OPCML: variants seen among roughly 807,000 people sequenced by gnomAD.
OPCML encodes the protein opioid-binding protein/cell adhesion molecule.
OPCML carries 13 observed loss-of-function variants against 37.8 expected under a neutral mutation model. The observed-to-expected ratio is 0.34, with a 90% CI of 0.22 to 0.55. The LOEUF (loss-of-function observed/expected upper bound fraction) is 0.55, where lower values mean the gene tolerates loss of function less well. OPCML is among the 20% of genes least tolerant of loss of function. The pLI is 0.91. For missense variants in OPCML, 341 were observed against 435.6 expected, an observed-to-expected ratio of 0.78 and a Z score of 1.93; for synonymous variants, 176 against 168.8, an observed-to-expected ratio of 1.04 and a Z score of -0.33.
rs533357029 is a variant in OPCML, at chr11:132,940,945, G to A, written c.146+1981C>T. On this transcript the variant is annotated intron_variant, in intron 2 of 7. Coordinates refer to ENST00000524381, the MANE Select transcript of OPCML (RefSeq NM_001012393.5). ...TTAAAGAGATTAAAATGTAGATAAC[G>A]TGCTGAATTTCCCTATTCTGGGGTA... Among the ~76,000 whole-genome samples, 7 of 152,046 alleles carry A rather than the reference G, an allele frequency of 4.6e-5. No homozygotes were observed. In the South Asian group the frequency reaches 6.2e-4, roughly 14 times the overall value.
intron 1 of OPCML, among the ~76,000 whole-genome samples, chr11:133,493,707 G>A (rs997217094): frequency 1.3e-5 from 2 of 152,028 alleles, no homozygotes; most frequent in African/African-American, 4.8e-5. Flanking sequence ...TAAAATTGTT[G>A]TGTCAAAGAG....
In OPCML at chr11:133,140,812, G is replaced by A. The variant is rs1377768587; in HGVS notation, c.62-197802C>T. Among the ~76,000 whole-genome samples the A allele has an allele frequency of 9.4e-4, 85 of 90,326 alleles. 9 individuals carry two copies. The highest frequency in any genetic ancestry group is 2.9e-3 in the African/African-American group (83 of 28,758). 59.3% of individuals were successfully genotyped at this position (90,326 alleles called of 152,430 possible). ...CGAAGAAGAAGAAGAAGAAGACGAC[G>A]ACGAAGAAGAAGACGACGACGAAGA... is the stretch of plus-strand genomic sequence containing the variant. On this transcript the variant is annotated intron_variant, in intron 1 of 7. Coordinates refer to ENST00000524381, the MANE Select transcript of OPCML (RefSeq NM_001012393.5).
chr11:133,053,112 T>C (rs2136969729), intron 1 of OPCML, among the ~76,000 whole-genome samples: 1 of 152,326 alleles, frequency 6.6e-6, no homozygotes. Context: ...TTATGACACA[T>C]CTTGGTTGGA....
chr11:133,447,294 A>C (rs1946492177), intron 1 of OPCML, among the ~76,000 whole-genome samples: 1 of 152,228 alleles, frequency 6.6e-6, no homozygotes, highest in Non-Finnish European at 1.5e-5. Flanking sequence ...AAGCATCTTT[A>C]CATGTGCTTC....
chr11:132,420,378 G>A, intron 7 of OPCML, 85 bp from the exon 8 acceptor site: 1 of 1,542,722 alleles, frequency 6.5e-7, no homozygotes, highest in Non-Finnish European at 8.7e-7. Context: ...ACACATACAT[G>A]CTTCCCACCT....
chr11:132,474,075 G>A (rs1213639371), intron 4 of OPCML, among the ~76,000 whole-genome samples: 3 of 152,074 alleles, frequency 2.0e-5, no homozygotes, highest in Admixed American at 6.6e-5. Flanking sequence ...TGATGGAGAG[G>A]AGCCTGCTCG....
rs550648403 is a variant in OPCML at position 132,699,917 on chromosome 11, T to G, written c.147-42598A>C. On this transcript the variant is annotated intron_variant, in intron 2 of 7. Transcript: ENST00000524381. Reference sequence around the variant, plus strand: ...AATTCTTTAAGAAAAATTTGAGGATTGACATTAATTATTTAGACATTTAGT... The same window carrying G: ...AATTCTTTAAGAAAAATTTGAGGATGGACATTAATTATTTAGACATTTAGT... Among the ~76,000 whole-genome samples the G allele has an allele frequency of 2.0e-5, 3 of 152,204 alleles. No homozygotes were observed. The South Asian group carries it at 6.2e-4, about 32-fold the overall frequency.
In OPCML at chr11:132,975,529, C is replaced by CAA. The variant is rs56882175; in HGVS notation, c.62-32521_62-32520dup. Among the ~76,000 whole-genome samples the CAA allele has an allele frequency of 6.5e-4, 28 of 42,796 alleles. 3 individuals carry two copies. The highest frequency in any genetic ancestry group is 8.5e-4 in the Non-Finnish European group (20 of 23,462). The allele number at this position is 42,796 out of a possible 152,430, so 28.1% of individuals were successfully genotyped here. On this transcript the variant is annotated intron_variant, in intron 1 of 7. Coordinates refer to ENST00000524381, the MANE Select transcript of OPCML (RefSeq NM_001012393.5). ...CTGGATGTCCCATCCAGGTTTCAAG[C>CAA]AAAAAAAAAAAAAAAAAAAAAAAAA...
At chr11:133,059,343 C>T (rs1449496504) in intron 1 of OPCML, among the ~76,000 whole-genome samples, 1 of 152,154 alleles carries the variant, frequency 6.6e-6, no homozygotes, top group East Asian at 1.9e-4. Flanking sequence ...CTGCCCAAGA[C>T]CTTTTAGGGA....
chr11:133,368,253 G>C (rs1944594252), intron 1 of OPCML, among the ~76,000 whole-genome samples: 1 of 151,480 alleles, frequency 6.6e-6, no homozygotes, highest in Non-Finnish European at 1.5e-5. Flanking sequence ...AGGTGGGGGG[G>C]GGAAGGAGAA....
At chr11:133,092,801 T>G (rs1948928770) in intron 1 of OPCML, among the ~76,000 whole-genome samples, 1 of 152,034 alleles carries the variant, frequency 6.6e-6, no homozygotes, top group African/African-American at 2.4e-5. Context: ...GGTACATCTT[T>G]ATGAGATAAA....
At chr11:132,530,197 C>A (rs1338485494) in intron 3 of OPCML, among the ~76,000 whole-genome samples, 3 of 152,098 alleles carry the variant, frequency 2.0e-5, no homozygotes, top group Non-Finnish European at 4.4e-5. Context: ...ATTTCACAAA[C>A]AACAGTTTTC....
chr11:133,356,705 T>A (rs1392107436), intron 1 of OPCML, among the ~76,000 whole-genome samples: 1 of 152,216 alleles, frequency 6.6e-6, no homozygotes, highest in Non-Finnish European at 1.5e-5. Context: ...AAGTCATGGC[T>A]GGCATGGAAC....
chr11:132,658,038 T>G (rs1941788917), intron 2 of OPCML, among the ~76,000 whole-genome samples: 1 of 152,158 alleles, frequency 6.6e-6, no homozygotes, highest in Non-Finnish European at 1.5e-5. Flanking sequence ...CCTACTCTCC[T>G]TAACAATTCA....
At chr11:132,737,386 A>G (rs1945293750) in intron 2 of OPCML, among the ~76,000 whole-genome samples, 1 of 152,154 alleles carries the variant, frequency 6.6e-6, no homozygotes, top group Admixed American at 6.5e-5. Context: ...AAATCACACG[A>G]TCCCAACTTT....
chr11:133,292,973 G>A (rs544883156), intron 1 of OPCML, among the ~76,000 whole-genome samples: 1 of 152,268 alleles, frequency 6.6e-6, no homozygotes, highest in Admixed American at 6.5e-5. Flanking sequence ...AGGAAGAAGG[G>A]CTGCAGAGGT....
chr11:132,924,522 T>C (rs941038224), intron 2 of OPCML, among the ~76,000 whole-genome samples: 2 of 152,252 alleles, frequency 1.3e-5, no homozygotes, highest in African/African-American at 4.8e-5. Flanking sequence ...AGAAAGTCTT[T>C]ATCTATGTTG....
At chr11:132,504,157 T>C (rs994216171) in intron 4 of OPCML, among the ~76,000 whole-genome samples, 1 of 152,166 alleles carries the variant, frequency 6.6e-6, no homozygotes, top group African/African-American at 2.4e-5. Context: ...ACAATACTAA[T>C]AAGGAAGATA....
intron 1 of OPCML, among the ~76,000 whole-genome samples, chr11:133,209,743 G>C (rs932110328): frequency 4.6e-5 from 7 of 152,158 alleles, no homozygotes; most frequent in African/African-American, 1.7e-4. Context: ...GAATAAACTA[G>C]AGATATCTAA....
Sources: allele counts gnomAD v4.1 joint callset (sites outside exome capture counted in the v4.1 genomes callset), GRCh38; gene constraint gnomAD v4.1.1; transcripts MANE v1.5; gene names NCBI Gene and HGNC (gene_info 2026-07-23, HGNC 2026-07-21).